Variants in MGST1 observed in about 807,000 individuals in gnomAD.
The protein encoded by MGST1 is microsomal glutathione S-transferase 1.
A neutral mutation model predicts 8.9 loss-of-function variants in MGST1; 5 were observed. That is an observed-to-expected ratio of 0.56 (90% confidence interval 0.29 to 1.19). The LOEUF is 1.19. Among genes scored for constraint, MGST1 ranks in the 50% most tolerant of loss-of-function variants. The pLI is 0.08. For missense variants in MGST1, 182 were observed against 187.4 expected (o/e 0.97, Z 0.17); for synonymous variants, 54 against 67.8 (o/e 0.80, Z 1.00).
At chr12:16,408,144 G>A (rs1010237594) in intron 1 of MGST1, among the ~76,000 whole-genome samples, 5 of 151,602 alleles carry the variant, frequency 3.3e-5, no homozygotes, top group Non-Finnish European at 7.4e-5. Context: ...CTCAGTTATA[G>A]GTGGGAGCTA....
chr12:16,586,796 T>C lies in MGST1; in HGVS notation n.483-2732T>C, dbSNP rs1383403730. Among the ~76,000 whole-genome samples, 1 of 152,198 alleles carries C rather than the reference T, an allele frequency of 6.6e-6. No homozygotes were observed. The highest frequency in any genetic ancestry group is 1.5e-5 in the Non-Finnish European group (1 of 68,042). ...ATTTATTGCATTACTTTTGTAACCT[T>C]TCTCCCAAAGGAACATGTAAGCCAT... On this transcript the variant is annotated intron_variant and non_coding_transcript_variant, in intron 4 of 4. Coordinates refer to the MGST1 transcript ENST00000538857. This position sits in a 1 kb window ranked among gnomAD's most constrained non-coding sequence, Gnocchi z 4.3.
chr12:16,560,231 G>C lies in MGST1; in HGVS notation n.483-29297G>C, dbSNP rs1020572114. ...TATGATGCTTTTCTTTCAGGTAGAA[G>C]TAAGTCTTAAGACCTTTCTTCTCCT... On this transcript the variant is annotated intron_variant and non_coding_transcript_variant, in intron 4 of 4. Transcript: ENST00000538857. The surrounding 1 kb of genome is among the most constrained non-coding windows in gnomAD (Gnocchi z 5.0). Among the ~76,000 whole-genome samples, 1 of 152,146 alleles carries C rather than the reference G, an allele frequency of 6.6e-6. No individual in the cohort carries two copies. Among genetic ancestry groups the C allele is most frequent in the Non-Finnish European group, 1.5e-5 (1 of 68,040 alleles).
rs1941763658 is a variant in MGST1, at chr12:16,537,595, T to C, written n.483-51933T>C. Among the ~76,000 whole-genome samples, 1 of 152,234 alleles carries C rather than the reference T, an allele frequency of 6.6e-6. No homozygotes were observed. Among genetic ancestry groups the C allele is most frequent in the Non-Finnish European group, 1.5e-5 (1 of 68,044 alleles). On this transcript the variant is annotated intron_variant and non_coding_transcript_variant, in intron 4 of 4. Transcript: ENST00000538857. This position sits in a 1 kb window ranked among gnomAD's most constrained non-coding sequence, Gnocchi z 4.6. ...TTGCCTGGACATTCAGGCATTTCCATACATACATTGAAATCTAGGTGGAGG... is the reference window on the plus strand; with the variant it reads ...TTGCCTGGACATTCAGGCATTTCCACACATACATTGAAATCTAGGTGGAGG...
chr12:16,411,555 A>G (rs1940742790), intron 1 of MGST1, among the ~76,000 whole-genome samples: 1 of 152,158 alleles, frequency 6.6e-6, no homozygotes, highest in Admixed American at 6.6e-5. Context: ...ATTTTGGATG[A>G]CAGCATAGGT....
At position 16,583,308 on chromosome 12, in the gene MGST1, C is replaced by CT. The variant is rs577230705; in HGVS notation, n.483-6211dup. Reference sequence around the variant, plus strand: ...GTATGGATGACAACAACAGACTGTTCTTTTTTTTTAAAAAAATTAGACAAT... The same window carrying CT: ...GTATGGATGACAACAACAGACTGTTCTTTTTTTTTTAAAAAAATTAGACAAT... On this transcript the variant is annotated intron_variant and non_coding_transcript_variant, in intron 4 of 4. Transcript: ENST00000538857. 1.9e-4 allele frequency among the ~76,000 whole-genome samples: 29 copies of CT among 151,468 alleles called. No homozygotes were observed. The South Asian group carries it at 2.5e-3, about 13-fold the overall frequency.
At chr12:16,518,809 C>T (rs1941631302) in intron 4 of MGST1, among the ~76,000 whole-genome samples, 1 of 152,166 alleles carries the variant, frequency 6.6e-6, no homozygotes, top group Non-Finnish European at 1.5e-5. Context: ...GTGCTTCTCT[C>T]CAGAGCCTTA....
At chr12:16,392,255 G>A (rs2417568) in intron 1 of MGST1, among the ~76,000 whole-genome samples, 59,187 of 151,908 alleles carry the variant, frequency 0.39, 11,627 homozygotes, top group East Asian at 0.53. Flanking sequence ...TTTGCATTGC[G>A]TCTTCTTTGA....
chr12:16,494,266 G>A (rs1941456748), intron 4 of MGST1, among the ~76,000 whole-genome samples: 1 of 152,088 alleles, frequency 6.6e-6, no homozygotes, highest in Non-Finnish European at 1.5e-5. Context: ...TTCCTTTAGT[G>A]TTATTTTTAA....
chr12:16,378,898 T>C (rs1215899563), downstream of MGST1, among the ~76,000 whole-genome samples: 1 of 152,062 alleles, frequency 6.6e-6, no homozygotes, highest in Non-Finnish European at 1.5e-5. Flanking sequence ...TGTTTTATTC[T>C]CTTTGAAGCA....
chr12:16,385,651 A>C (rs1981750), intron 1 of MGST1, among the ~76,000 whole-genome samples: 58,568 of 151,012 alleles, frequency 0.39, 11,661 homozygotes, highest in East Asian at 0.57. Context: ...CAGACCTACC[A>C]TCAAAGCCCA....
intron 4 of MGST1, among the ~76,000 whole-genome samples, chr12:16,485,245 G>A (rs980113983): frequency 6.6e-6 from 1 of 152,104 alleles, no homozygotes; most frequent in African/African-American, 2.4e-5. Context: ...CTTGGCCATC[G>A]AATGCTCGTT....
At chr12:16,536,185 A>G (rs1941756277) in intron 4 of MGST1, among the ~76,000 whole-genome samples, 1 of 151,854 alleles carries the variant, frequency 6.6e-6, no homozygotes, top group Non-Finnish European at 1.5e-5. Context: ...TTCTCTTATT[A>G]GGAAGTCTAT....
intron 4 of MGST1, among the ~76,000 whole-genome samples, chr12:16,512,285 AT>A (rs1941582180): frequency 6.6e-6 from 1 of 152,142 alleles, no homozygotes; most frequent in African/African-American, 2.4e-5. Context: ...AGTAAAAAAA[AT>A]TCCAATAAAC....
At chr12:16,393,521 C>A (rs999363408) in intron 1 of MGST1, among the ~76,000 whole-genome samples, 7 of 152,154 alleles carry the variant, frequency 4.6e-5, no homozygotes, top group Admixed American at 2.6e-4. Flanking sequence ...AAGGGAAAAA[C>A]CACAGATTTG....
At chr12:16,562,246 T>A (rs983531704) in intron 4 of MGST1, among the ~76,000 whole-genome samples, 2 of 152,188 alleles carry the variant, frequency 1.3e-5, no homozygotes, top group African/African-American at 4.8e-5. Flanking sequence ...CATGATCTGC[T>A]TAGGAGATCT....
At chr12:16,521,443 C>A (rs1941647881) in intron 4 of MGST1, among the ~76,000 whole-genome samples, 1 of 151,984 alleles carries the variant, frequency 6.6e-6, no homozygotes, top group African/African-American at 2.4e-5. Flanking sequence ...TAACTCTTTG[C>A]CAAAAATAAG....
chr12:16,470,187 A>T (rs890464080), intron 4 of MGST1, among the ~76,000 whole-genome samples: 1 of 152,242 alleles, frequency 6.6e-6, no homozygotes, highest in South Asian at 2.1e-4. Flanking sequence ...AACTTTCTAC[A>T]TAAAAAAAAA....
chr12:16,431,904 G>A (rs1165003036), intron 1 of MGST1, among the ~76,000 whole-genome samples: 3 of 152,082 alleles, frequency 2.0e-5, no homozygotes, highest in African/African-American at 7.2e-5. Context: ...AGGTATACAT[G>A]TATTTATTTC....
intron 4 of MGST1, among the ~76,000 whole-genome samples, chr12:16,567,134 T>G (rs1253949332): frequency 6.6e-6 from 1 of 152,072 alleles, no homozygotes; most frequent in Non-Finnish European, 1.5e-5. Flanking sequence ...AGGCGGAGGT[T>G]GCAGTGAGCT....
Sources: gnomAD v4.1 joint callset for allele counts (sites outside exome capture counted in the v4.1 genomes callset) on GRCh38, gnomAD v4.1.1 for gene constraint, Gnocchi (gnomAD v3.1) non-coding constraint, MANE v1.5 for transcripts, NCBI Gene and HGNC (gene_info 2026-07-23, HGNC 2026-07-21) for gene names.